The following CEP95 variants were observed in gnomAD, a reference collection of about 807,000 sequenced individuals.
The protein encoded by CEP95 is centrosomal protein 95.
CEP95 carries 98 observed loss-of-function variants against 111.2 expected under a neutral mutation model. The observed-to-expected ratio is 0.88, with a 90% CI of 0.75 to 1.04. The LOEUF is 1.04. CEP95 is among the 50% of genes least tolerant of loss of function. CEP95 has a pLI of 0.00. For missense variants in CEP95, 1,027 were observed against 977.2 expected (o/e 1.05, Z -0.68); for synonymous variants, 323 against 327.1 (o/e 0.99, Z 0.14).
chr17:64,532,701 AATT>A, intron 14 of CEP95, 135 bp from the exon 15 acceptor site: 3 of 1,445,386 alleles, frequency 2.1e-6, no homozygotes, highest in Non-Finnish European at 2.7e-6. Context: ...GAGTAATGCA[AATT>A]ATTATAAGTA....
At chr17:64,536,867 G>A (rs1968692405) in intron 18 of CEP95, 119 bp downstream of exon 18, 3 of 1,264,506 alleles carry the variant, frequency 2.4e-6, no homozygotes, top group African/African-American at 1.5e-5. Context: ...GCACTCTACA[G>A]ATTAGAGGAC....
chr17:64,524,636 T>C (rs782677421), intron 8 of CEP95, among the ~76,000 whole-genome samples: 12 of 152,272 alleles, frequency 7.9e-5, no homozygotes, highest in Middle Eastern at 3.4e-3. Flanking sequence ...AATTTTACTT[T>C]AATAGAAAAA....
At chr17:64,526,598 C>A (rs1555679186) in intron 10 of CEP95, among the ~76,000 whole-genome samples, 3 of 152,124 alleles carry the variant, frequency 2.0e-5, no homozygotes, top group Non-Finnish European at 2.9e-5. Context: ...TGTTTTAAAT[C>A]CCTACGTGAC....
intron 3 of CEP95, 72 bp downstream of exon 3, chr17:64,510,352 TTACTTAA>T (rs2038828441): frequency 1.0e-6 from 1 of 964,836 alleles, no homozygotes; most frequent in Non-Finnish European, 1.6e-6. Context: ...TAGACATTGT[TTACTTAA>T]CCAAATGAGT....
At chr17:64,510,991 G>T (rs2038863387) in intron 3 of CEP95, among the ~76,000 whole-genome samples, 1 of 152,194 alleles carries the variant, frequency 6.6e-6, no homozygotes, top group East Asian at 1.9e-4. Flanking sequence ...CATGTCTGTA[G>T]GTTCCGTGAT....
chr17:64,516,549 A>C (rs148246238), intron 4 of CEP95, among the ~76,000 whole-genome samples, 174 bp from the exon 5 acceptor site: 15 of 152,338 alleles, frequency 9.8e-5, no homozygotes, highest in African/African-American at 3.6e-4. Context: ...TTACTCGAAT[A>C]ATACATGCTC....
chr17:64,525,468 A>AT (rs1967737687), intron 8 of CEP95, among the ~76,000 whole-genome samples: 1 of 152,138 alleles, frequency 6.6e-6, no homozygotes, highest in African/African-American at 2.4e-5. Context: ...ACTAGTGATA[A>AT]TTTTTTTGTT....
intron 16 of CEP95, among the ~76,000 whole-genome samples, chr17:64,533,669 C>G (rs564742127): frequency 6.6e-6 from 1 of 152,262 alleles, no homozygotes; most frequent in South Asian, 2.1e-4. Context: ...TTTATATACA[C>G]AGTTTCAGTT....
intron 5 of CEP95, 140 bp downstream of exon 5, chr17:64,516,968 C>G: frequency 1.8e-6 from 1 of 558,380 alleles, no homozygotes. Flanking sequence ...TTTAAACTTT[C>G]CTGAGGGAGT....
chr17:64,508,929 TATA>T (rs2038742886), intron 2 of CEP95, among the ~76,000 whole-genome samples: 1 of 151,870 alleles, frequency 6.6e-6, no homozygotes, highest in Admixed American at 6.6e-5. Context: ...ATTGTATAAT[TATA>T]ATATTGTATT....
chr17:64,525,760 T>G lies in CEP95; in HGVS notation c.910-10T>G, dbSNP rs1555678929. 3 of 1,572,214 alleles carry G rather than the reference T, an allele frequency of 1.9e-6. No homozygotes were observed. In the South Asian group the frequency reaches 3.5e-5, roughly 18 times the overall value. Reference sequence around the variant, plus strand: ...CTTTTTCAAATCAACTTTTTTTCTGTTTTTAATAGGATCTAGATGATGGAC... The same window carrying G: ...CTTTTTCAAATCAACTTTTTTTCTGGTTTTAATAGGATCTAGATGATGGAC... On this transcript the variant is annotated splice_polypyrimidine_tract_variant and intron_variant, in intron 8 of 19. Coordinates refer to ENST00000556440, the MANE Select transcript of CEP95 (RefSeq NM_138363.3).
At chr17:64,517,142 G>A (rs1555676562) in intron 5 of CEP95, among the ~76,000 whole-genome samples, 1 of 152,100 alleles carries the variant, frequency 6.6e-6, no homozygotes, top group Non-Finnish European at 1.5e-5. Context: ...TGCTTCCCAG[G>A]TTCAAGGGAT....
intron 16 of CEP95, 88 bp downstream of exon 16, chr17:64,533,279 A>G: frequency 9.1e-7 from 1 of 1,099,984 alleles, no homozygotes; most frequent in South Asian, 1.6e-5. Flanking sequence ...AGTTGCACAG[A>G]CCCTTAACCT....
At position 64,527,250 on chromosome 17, in the gene CEP95, A is replaced by G; in HGVS notation, c.1292A>G (p.Lys431Arg). ...HSDGIVEYGP[K>R]KSRPGLSMRR... is the part of the protein sequence containing the mutation. ...GATGGCATCGTGGAGTATGGGCCAA[A>G]GAAGTCAAGGCCAGGTACTTACCCC... The change falls in exon 11 of 20, where the codon AAG (lysine) becomes AGG (arginine). Residue 431 changes from lysine (K) to arginine (R), a missense_variant. Physicochemically the swap from Lys to Arg is conservative, Grantham distance 26 (BLOSUM62 2). Transcript: ENST00000556440. The G allele has an allele frequency of 6.2e-7, 1 of 1,611,854 alleles. No individual in the cohort carries two copies. The highest frequency in any genetic ancestry group is 1.7e-5 in the Admixed American group (1 of 59,728).
chr17:64,536,574 A>T (rs782415401), intron 17 of CEP95, 28 bp from the exon 18 acceptor site: 8 of 1,560,266 alleles, frequency 5.1e-6, no homozygotes, highest in Non-Finnish European at 7.0e-6. Context: ...TTCCTCAATG[A>T]CTATTTTTAC....
intron 13 of CEP95, among the ~76,000 whole-genome samples, chr17:64,531,274 T>TA (rs1968260968): frequency 6.6e-6 from 1 of 152,226 alleles, no homozygotes; most frequent in South Asian, 2.1e-4. Flanking sequence ...TTTAAGGGTT[T>TA]ATTTGACTTA....
In CEP95 at chr17:64,530,960, G is replaced by A; in HGVS notation, c.1481G>A (p.Arg494Lys). 1 of 1,560,842 alleles carries A rather than the reference G, an allele frequency of 6.4e-7. No homozygotes were observed. Among genetic ancestry groups the A allele is most frequent in the South Asian group, 1.2e-5 (1 of 84,048 alleles). ...GAAGCATTTGAAAGGGAACTAAGAA[G>A]ACATAAAGTTCAAGAGAATATTGGA... ...FTEAFERELR[R>K]HKVQENIGPL... Residue 494 changes from arginine to lysine, a missense_variant, in exon 13 of 20, where the codon AGA (arginine) becomes AAA (lysine). Coordinates refer to ENST00000556440, the MANE Select transcript of CEP95 (RefSeq NM_138363.3).
chr17:64,519,720 A>G (rs1555677243), intron 6 of CEP95, among the ~76,000 whole-genome samples: 1 of 152,226 alleles, frequency 6.6e-6, no homozygotes, highest in Non-Finnish European at 1.5e-5. Flanking sequence ...TAGTCTGGTC[A>G]CGCTTTCAGG....
rs782222198 is a variant in CEP95 at position 64,533,139 on chromosome 17, A to G, written c.1865A>G (p.His622Arg). The change falls in exon 16 of 20, where the codon CAT becomes CGT. Residue 622 changes from histidine to arginine, a missense_variant. Coordinates refer to ENST00000556440, the MANE Select transcript of CEP95 (RefSeq NM_138363.3). ...QDEIEEALRR[H>R]DLLTTLVKKE... ...AAGATAGAAGAAGCCCTAAGAAGGC[A>G]TGACCTCCTTACTACCCTTGTCAAG... 1 of 1,603,364 alleles carries G rather than the reference A, an allele frequency of 6.2e-7. No individual in the cohort carries two copies. The highest frequency in any genetic ancestry group is 1.1e-5 in the South Asian group (1 of 89,018).
Sources: gnomAD v4.1 joint callset for allele counts (sites outside exome capture counted in the v4.1 genomes callset) on GRCh38, gnomAD v4.1.1 for gene constraint, MANE v1.5 for transcripts, NCBI Gene and HGNC (gene_info 2026-07-23, HGNC 2026-07-21) for gene names.